Variants in CACNB2 observed in about 807,000 individuals in gnomAD.
CACNB2 encodes voltage-dependent L-type calcium channel subunit beta-2.
A neutral mutation model predicts 73.3 loss-of-function variants in CACNB2; 42 were observed. The ratio of observed to expected loss-of-function variants is 0.57; its 90% CI spans 0.45 to 0.74. The LOEUF (loss-of-function observed/expected upper bound fraction) is 0.74. Among genes scored for constraint, CACNB2 ranks in the 30% least tolerant of loss-of-function variants. The pLI is 0.00. For missense variants in CACNB2, 940 were observed against 853.0 expected (o/e 1.10, Z -1.27); for synonymous variants, 348 against 310.3 (o/e 1.12, Z -1.28).
chr10:18,303,564 C>G lies in CACNB2; in HGVS notation c.214-98360C>G, dbSNP rs147983617. ...AGAAACACAATCCAGGGCCACGTGT[C>G]TCAGATGTCACTTACTTCTCTTCAT... is the stretch of plus-strand genomic sequence containing the variant. On this transcript the variant is annotated intron_variant, in intron 2 of 13. Transcript: ENST00000324631. Among the ~76,000 whole-genome samples the G allele has an allele frequency of 3.4e-3, 511 of 152,256 alleles. 3 individuals carry two copies. The highest frequency in any genetic ancestry group is 4.5e-3 in the Admixed American group (68 of 15,276).
intron 2 of CACNB2, among the ~76,000 whole-genome samples, chr10:18,249,195 G>A (rs547692571): frequency 3.4e-4 from 52 of 152,242 alleles, no homozygotes; most frequent in African/African-American, 1.2e-3. Context: ...TCCACCCACT[G>A]GTACCCAAAT....
chr10:18,183,268 A>C (rs912962274), intron 2 of CACNB2, among the ~76,000 whole-genome samples: 1 of 152,196 alleles, frequency 6.6e-6, no homozygotes, highest in Non-Finnish European at 1.5e-5. Flanking sequence ...GCAGACAGCT[A>C]TCATCAGGCT....
At chr10:18,150,580 T>C (rs1248108834) in intron 1 of CACNB2, among the ~76,000 whole-genome samples, 1 of 152,142 alleles carries the variant, frequency 6.6e-6, no homozygotes, top group Admixed American at 6.5e-5. Flanking sequence ...GGAGAATCAC[T>C]TGAACCTGGG....
rs1356604464 is a variant in CACNB2, at chr10:18,307,983, C to CATTTT, written c.214-93941_214-93940insATTTT. ...TTAAGTCTAAAATAATATATGCCAA[C>CATTTT]TTTTTTTTTTTTTTTTTTTTTTTTT... On this transcript the variant is annotated intron_variant, in intron 2 of 13. Transcript: ENST00000324631. Among the ~76,000 whole-genome samples, 174 of 70,242 alleles carry CATTTT rather than the reference C, an allele frequency of 2.5e-3. 18 individuals carry two copies. The highest frequency in any genetic ancestry group is 7.7e-3 in the African/African-American group (129 of 16,760). The allele number at this position is 70,242 out of a possible 152,430, so 46.1% of individuals were successfully genotyped here. A position where few individuals can be genotyped will look rare whatever the true frequency, so the allele number is the denominator to read the frequency against.
chr10:18,178,151 G>T (rs562861986), intron 2 of CACNB2, among the ~76,000 whole-genome samples: 1 of 152,144 alleles, frequency 6.6e-6, no homozygotes, highest in South Asian at 2.1e-4. Flanking sequence ...GTTGAATTCG[G>T]GTAATGTAGA....
chr10:18,365,860 G>T (rs143572738), intron 2 of CACNB2, among the ~76,000 whole-genome samples: 299 of 152,220 alleles, frequency 2.0e-3, no homozygotes, highest in African/African-American at 6.8e-3. Context: ...CTCAGATCAA[G>T]AAAGAAAAGA....
At chr10:18,532,879 A>T (rs1325635634) in intron 10 of CACNB2, among the ~76,000 whole-genome samples, 1 of 152,066 alleles carries the variant, frequency 6.6e-6, no homozygotes, top group Non-Finnish European at 1.5e-5. Context: ...ATATTAATTT[A>T]GGTTGTAACT....
intron 2 of CACNB2, among the ~76,000 whole-genome samples, chr10:18,224,016 G>T (rs1395366317): frequency 6.6e-6 from 1 of 150,884 alleles, no homozygotes; most frequent in Non-Finnish European, 1.5e-5. Flanking sequence ...CCTGGGAAAA[G>T]TGGACTCATT....
intron 2 of CACNB2, among the ~76,000 whole-genome samples, chr10:18,354,077 C>CATTTT (rs1445250917): frequency 6.6e-6 from 1 of 152,126 alleles, no homozygotes; most frequent in Non-Finnish European, 1.5e-5. Context: ...AGCTGGGTGA[C>CATTTT]ATTGGACAAA....
intron 2 of CACNB2, among the ~76,000 whole-genome samples, chr10:18,236,656 G>T (rs1210394778): frequency 1.3e-5 from 2 of 152,082 alleles, no homozygotes; most frequent in Non-Finnish European, 2.9e-5. Context: ...GAAGACATGT[G>T]TTTGTGTTAT....
At chr10:18,199,103 A>C (rs16916956) in intron 2 of CACNB2, among the ~76,000 whole-genome samples, 8,542 of 152,252 alleles carry the variant, frequency 0.056, 335 homozygotes, top group African/African-American at 0.093. Flanking sequence ...TGAGAAAAGT[A>C]CTAGCAAAAA....
intron 2 of CACNB2, among the ~76,000 whole-genome samples, chr10:18,390,492 A>C (rs185603431): frequency 6.6e-6 from 1 of 152,202 alleles, no homozygotes; most frequent in South Asian, 2.1e-4. Flanking sequence ...GATTACAGGC[A>C]TGAGCCACGG....
intron 6 of CACNB2, chr10:18,513,213 A>C (rs572163193): frequency 6.4e-6 from 1 of 155,040 alleles, no homozygotes; most frequent in South Asian, 2.0e-4. Context: ...CCCACGTCAC[A>C]ATCCGACTGA....
chr10:18,529,127 C>A (rs561529776), intron 10 of CACNB2, among the ~76,000 whole-genome samples: 1 of 152,220 alleles, frequency 6.6e-6, no homozygotes, highest in Non-Finnish European at 1.5e-5. Flanking sequence ...CTGTGCCTGG[C>A]CAAGAATTAT....
intron 6 of CACNB2, among the ~76,000 whole-genome samples, chr10:18,511,230 T>C (rs1252612344): frequency 3.3e-5 from 5 of 152,218 alleles, no homozygotes; most frequent in Non-Finnish European, 7.3e-5. Flanking sequence ...TTATTACCTT[T>C]TTTTTGATAG....
chr10:18,151,520 A>G (rs2031556689), intron 2 of CACNB2, among the ~76,000 whole-genome samples: 1 of 152,132 alleles, frequency 6.6e-6, no homozygotes, highest in East Asian at 1.9e-4. Context: ...AATGTGTAGT[A>G]TCTTCCTGCC....
At chr10:18,327,473 G>A (rs766603146) in intron 2 of CACNB2, among the ~76,000 whole-genome samples, 74 of 152,292 alleles carry the variant, frequency 4.9e-4, no homozygotes, top group Middle Eastern at 6.8e-3. Context: ...CACCTAGGCT[G>A]GAGGGCAGTG....
intron 2 of CACNB2, among the ~76,000 whole-genome samples, chr10:18,201,218 C>T (rs746690498): frequency 2.0e-4 from 30 of 151,396 alleles, no homozygotes; most frequent in Non-Finnish European, 4.1e-4. Flanking sequence ...TTAGAATTTT[C>T]AAAACAGTAG....
intron 3 of CACNB2, among the ~76,000 whole-genome samples, chr10:18,485,377 C>T (rs182200148): frequency 6.2e-4 from 94 of 152,008 alleles, no homozygotes; most frequent in African/African-American, 2.0e-3. Context: ...ATAGTCAGTA[C>T]CTCTTCAGTT....
Sources: allele counts gnomAD v4.1 joint callset (sites outside exome capture counted in the v4.1 genomes callset), GRCh38; gene constraint gnomAD v4.1.1; transcripts MANE v1.5; gene names NCBI Gene and HGNC (gene_info 2026-07-23, HGNC 2026-07-21).